The following KSR1 variants were observed in gnomAD, a reference collection of about 807,000 sequenced individuals.
KSR1 encodes the protein kinase suppressor of ras.
Under a neutral mutation model 92.9 loss-of-function variants are expected in KSR1, and 35 were observed. The observed-to-expected ratio is 0.38, with a 90% CI of 0.29 to 0.50. The LOEUF is 0.50. KSR1 is among the 20% of genes least tolerant of loss of function. KSR1 has a pLI of 0.94. For synonymous variants in KSR1, 467 were observed against 472.6 expected (o/e 0.99, Z 0.15); for missense variants, 972 against 1,158.5 (o/e 0.84, Z 2.34).
Position 27,592,413 on chromosome 17 carries a change from T to C in KSR1, c.1183T>C (p.Phe395Leu), listed in dbSNP as rs1598102096. ...AGAAGCCCCTGCCTGTAGAATATCC[T>C]TCCTGCCACGTGAGTTTTCTGCCTT... The part of the protein sequence containing the change: ...TKEAPACRIS[F>L]LPLTRLRRTE... Residue 395 changes from phenylalanine to leucine, a missense_variant, in exon 8 of 21, where the codon TTC becomes CTC. Transcript: ENST00000644974. The C allele has an allele frequency of 6.2e-7, 1 of 1,613,956 alleles. No individual in the cohort carries two copies. Among genetic ancestry groups the C allele is most frequent in the South Asian group, 1.1e-5 (1 of 91,082 alleles).
intron 18 of KSR1, among the ~76,000 whole-genome samples, chr17:27,613,581 G>A (rs1045654210): frequency 2.2e-4 from 33 of 152,316 alleles, no homozygotes; most frequent in African/African-American, 7.9e-4. Context: ...CATTGTGGGT[G>A]TACCCAGGCA....
intron 1 of KSR1, among the ~76,000 whole-genome samples, chr17:27,479,427 T>C (rs945041913): frequency 6.6e-6 from 1 of 152,220 alleles, no homozygotes; most frequent in African/African-American, 2.4e-5. Context: ...GTTCCCGTTC[T>C]CGCTGCAGCA....
chr17:27,507,501 G>C (rs1338209811), intron 1 of KSR1, among the ~76,000 whole-genome samples: 3 of 148,134 alleles, frequency 2.0e-5, no homozygotes, highest in Non-Finnish European at 4.5e-5. Flanking sequence ...ATTATGTGTT[G>C]AAGTGATATT....
At chr17:27,548,774 G>A (rs900443963) in intron 1 of KSR1, among the ~76,000 whole-genome samples, 1 of 151,664 alleles carries the variant, frequency 6.6e-6, no homozygotes, top group African/African-American at 2.4e-5. Context: ...AGGTTGCAGT[G>A]AGCCAAGATC....
chr17:27,516,246 G>A lies in KSR1; in HGVS notation c.232-34322G>A, dbSNP rs117788140. On this transcript the variant is annotated intron_variant, in intron 1 of 20. Coordinates refer to ENST00000644974, the MANE Select transcript of KSR1 (RefSeq NM_001394583.1). ...TTGCCTTATGGTCATTGTAAGAAAT[G>A]AGGATGAGTTAAATGGAATAGTGCC... Among the ~76,000 whole-genome samples the A allele has an allele frequency of 9.8e-5, 15 of 152,336 alleles. No individual in the cohort carries two copies. The East Asian group carries it at 2.7e-3, about 27-fold the overall frequency.
intron 1 of KSR1, among the ~76,000 whole-genome samples, chr17:27,461,437 A>C (rs1237609096): frequency 6.6e-6 from 1 of 152,176 alleles, no homozygotes; most frequent in East Asian, 1.9e-4. Flanking sequence ...TCCCTGGCAG[A>C]ACTGAGACTG....
intron 1 of KSR1, among the ~76,000 whole-genome samples, chr17:27,492,327 A>G (rs2068855796): frequency 6.6e-6 from 1 of 152,194 alleles, no homozygotes; most frequent in African/African-American, 2.4e-5. Flanking sequence ...GGAAGGCAGG[A>G]GTCTCCTCAA....
At chr17:27,536,392 G>A (rs1284721019) in intron 1 of KSR1, among the ~76,000 whole-genome samples, 1 of 152,180 alleles carries the variant, frequency 6.6e-6, no homozygotes, top group South Asian at 2.1e-4. Context: ...AACAGCTCTA[G>A]AATCTTCTCC....
At position 27,583,108 on chromosome 17, in the gene KSR1, G is replaced by A; in HGVS notation, c.980+3G>A. ...ATTGATGACGTCTCCTCGATGAGGTGAGTGCTCCTTCTGGGCAGCTACCAA... is the reference window on the plus strand; with the variant it reads ...ATTGATGACGTCTCCTCGATGAGGTAAGTGCTCCTTCTGGGCAGCTACCAA... On this transcript the variant is annotated splice_donor_region_variant and intron_variant, in intron 4 of 20. Coordinates refer to ENST00000644974, the MANE Select transcript of KSR1 (RefSeq NM_001394583.1). 6.5e-7 allele frequency: 1 copy of A among 1,533,384 alleles called. No individual in the cohort carries two copies. Among genetic ancestry groups the A allele is most frequent in the Admixed American group, 2.0e-5 (1 of 50,206 alleles). The allele number at this position is 1,533,384 out of a possible 1,614,324, so 95.0% of individuals were successfully genotyped here.
chr17:27,540,779 C>T (rs1411172547), intron 1 of KSR1, among the ~76,000 whole-genome samples: 1 of 152,246 alleles, frequency 6.6e-6, no homozygotes, highest in Non-Finnish European at 1.5e-5. Flanking sequence ...CTGGTCCCCT[C>T]GGAGCTGGGT....
At chr17:27,493,147 T>C (rs1304525114) in intron 1 of KSR1, among the ~76,000 whole-genome samples, 4 of 152,214 alleles carry the variant, frequency 2.6e-5, no homozygotes, top group Non-Finnish European at 5.9e-5. Context: ...CAGTCTCCTT[T>C]AATCCTCGTG....
intron 3 of KSR1, among the ~76,000 whole-genome samples, chr17:27,580,274 G>A (rs1598071923): frequency 1.3e-5 from 2 of 152,184 alleles, no homozygotes; most frequent in African/African-American, 2.4e-5. Flanking sequence ...CAGTCTATGA[G>A]CTACAGTGTC....
chr17:27,566,162 G>C (rs1024635450), intron 2 of KSR1, among the ~76,000 whole-genome samples: 2 of 152,128 alleles, frequency 1.3e-5, no homozygotes, highest in Non-Finnish European at 2.9e-5. Context: ...CTACCTTTTG[G>C]AGGGAGGTGG....
At chr17:27,621,103 C>T in intron 19 of KSR1, 90 bp from the exon 20 acceptor site, 2 of 398,376 alleles carry the variant, frequency 5.0e-6, no homozygotes, top group Non-Finnish European at 4.4e-6. Context: ...CTGATTCCTC[C>T]ACCTGTCCAC....
intron 2 of KSR1, among the ~76,000 whole-genome samples, chr17:27,551,410 C>T (rs1335364450): frequency 6.6e-6 from 1 of 151,880 alleles, no homozygotes; most frequent in African/African-American, 2.4e-5. Flanking sequence ...CATAAATCCC[C>T]TACTTCTATC....
At chr17:27,486,832 A>G (rs1317220564) in intron 1 of KSR1, among the ~76,000 whole-genome samples, 1 of 152,180 alleles carries the variant, frequency 6.6e-6, no homozygotes, top group Non-Finnish European at 1.5e-5. Flanking sequence ...CAGGTGGGAC[A>G]CTTGGCCTCT....
At chr17:27,601,787 A>G in intron 11 of KSR1, 2 of 799,278 alleles carry the variant, frequency 2.5e-6, no homozygotes, top group Non-Finnish European at 4.1e-6. Flanking sequence ...TTGCACAATG[A>G]TGGGAGGATA....
intron 2 of KSR1, among the ~76,000 whole-genome samples, chr17:27,576,557 C>T (rs542802025): frequency 3.3e-5 from 5 of 152,146 alleles, no homozygotes; most frequent in South Asian, 2.1e-4. Flanking sequence ...GGGGAGAGGT[C>T]GTGGCAGTTG....
chr17:27,588,331 T>C, intron 5 of KSR1, 144 bp from the exon 6 acceptor site: 1 of 617,010 alleles, frequency 1.6e-6, no homozygotes, highest in South Asian at 2.7e-5. Context: ...TGCTCCTGTG[T>C]TGATGGACAT....
Sources: gnomAD v4.1 joint callset for allele counts (sites outside exome capture counted in the v4.1 genomes callset) on GRCh38, gnomAD v4.1.1 for gene constraint, MANE v1.5 for transcripts, NCBI Gene and HGNC (gene_info 2026-07-23, HGNC 2026-07-21) for gene names.